The following MYO9A variants were observed in gnomAD, a reference collection of about 807,000 sequenced individuals.
The protein encoded by MYO9A is unconventional myosin-IXa.
MYO9A carries 103 observed loss-of-function variants against 293.3 expected under a neutral mutation model. That is an observed-to-expected ratio of 0.35 (90% CI 0.30 to 0.41). MYO9A has a LOEUF of 0.41. Among genes scored for constraint, MYO9A ranks in the 10% least tolerant of loss-of-function variants. MYO9A has a pLI of 1.00. For missense variants in MYO9A, 2,685 were observed against 3,033.0 expected, an observed-to-expected ratio of 0.89 and a Z score of 2.69; for synonymous variants, 1,001 against 1,035.7, an observed-to-expected ratio of 0.97 and a Z score of 0.64.
intron 1 of MYO9A, among the ~76,000 whole-genome samples, chr15:72,065,515 C>CAA (rs780113322): frequency 5.3e-5 from 3 of 56,582 alleles, no homozygotes; most frequent in Non-Finnish European, 1.1e-4. Context: ...AACTCCGTCT[C>CAA]AAAAAAAAAA....
chr15:71,853,822 C>T (rs1376058829), intron 35 of MYO9A, among the ~76,000 whole-genome samples: 1 of 152,060 alleles, frequency 6.6e-6, no homozygotes, highest in Non-Finnish European at 1.5e-5. Context: ...GAAGATGATA[C>T]ACAGGAAAGA....
At chr15:71,899,214 T>C (rs915847139) in intron 24 of MYO9A, among the ~76,000 whole-genome samples, 182 bp from the exon 25 acceptor site, 2 of 152,208 alleles carry the variant, frequency 1.3e-5, no homozygotes, top group African/African-American at 4.8e-5. Context: ...TCAGATGATA[T>C]TTCATTAAGT....
rs144553539 is a variant in MYO9A, at chr15:72,078,214, C to T, written c.-71-31580G>A. On this transcript the variant is annotated intron_variant, in intron 1 of 41. Transcript: ENST00000356056. ...GCTAAAAATTCACTTCACTACAGGG[C>T]TTGCCAGGGTGGCTCATGCCTGTAA... 8.9e-3 allele frequency among the ~76,000 whole-genome samples: 1,361 copies of T among 152,270 alleles called. 18 individuals are homozygous for T. Among genetic ancestry groups the T allele is most frequent in the Admixed American group, 0.011 (163 of 15,294 alleles).
chr15:71,970,038 C>T (rs564407359), intron 12 of MYO9A, among the ~76,000 whole-genome samples: 1 of 152,242 alleles, frequency 6.6e-6, no homozygotes, highest in East Asian at 1.9e-4. Context: ...TTCTCATGAG[C>T]AGGCAAGATT....
chr15:72,069,329 A>G (rs764325772), intron 1 of MYO9A, among the ~76,000 whole-genome samples: 2 of 152,182 alleles, frequency 1.3e-5, no homozygotes, highest in Non-Finnish European at 2.9e-5. Context: ...TGTATATGTA[A>G]TTGTTTAGTG....
intron 26 of MYO9A, chr15:71,891,474 A>C (rs1158634575): frequency 3.9e-5 from 6 of 152,244 alleles, no homozygotes; most frequent in African/African-American, 4.8e-5. Flanking sequence ...TGTATACTAG[A>C]CAAAGCAGGA....
chr15:71,992,509 T>C (rs2076570733), intron 10 of MYO9A, among the ~76,000 whole-genome samples: 1 of 152,176 alleles, frequency 6.6e-6, no homozygotes, highest in African/African-American at 2.4e-5. Context: ...GTCTAGGCCC[T>C]TAAAAAAATT....
intron 39 of MYO9A, among the ~76,000 whole-genome samples, chr15:71,840,456 T>TA (rs1271530864): frequency 6.6e-6 from 1 of 152,112 alleles, no homozygotes; most frequent in African/African-American, 2.4e-5. Flanking sequence ...GAGCCCATGG[T>TA]AGTCATATGA....
intron 2 of MYO9A, chr15:72,040,078 A>T (rs562889480): frequency 6.5e-6 from 1 of 154,092 alleles, no homozygotes; most frequent in East Asian, 1.9e-4. Context: ...TGGACACAGG[A>T]ATATGTCAGA....
intron 22 of MYO9A, 142 bp downstream of exon 22, chr15:71,902,799 A>G: frequency 1.6e-6 from 1 of 615,642 alleles, no homozygotes. Flanking sequence ...TGACTACATA[A>G]TTAAATAAAA....
chr15:71,942,003 A>T (rs572354149), intron 15 of MYO9A, among the ~76,000 whole-genome samples: 97 of 152,228 alleles, frequency 6.4e-4, no homozygotes, highest in Non-Finnish European at 1.0e-3. Flanking sequence ...ACTGTTGTTC[A>T]CAATAGCTCT....
intron 1 of MYO9A, among the ~76,000 whole-genome samples, chr15:72,106,243 TGA>T (rs1251529372): frequency 3.0e-5 from 4 of 134,688 alleles, no homozygotes; most frequent in Admixed American, 7.7e-5. Context: ...TCTGGGAGGC[TGA>T]GACAGGAGGA....
rs2141654251 is a variant in MYO9A at position 71,859,645 on chromosome 15, A to G, written c.6153+90T>C. 4.7e-6 allele frequency: 5 copies of G among 1,054,048 alleles called. No individual in the cohort carries two copies. The South Asian group carries it at 5.7e-5, about 12-fold the overall frequency. 65.3% of individuals were successfully genotyped at this position (1,054,048 alleles called of 1,614,324 possible). A position where few individuals can be genotyped will look rare whatever the true frequency, so the allele number is the denominator to read the frequency against. ...AAAAGTTTAAAAACCACTCATCTGT[A>G]AAACTATCAAAAAGGCCTTAATTTA... On this transcript the variant is annotated intron_variant, in intron 34 of 41. Coordinates refer to ENST00000356056, the MANE Select transcript of MYO9A (RefSeq NM_006901.4).
chr15:72,069,051 C>G (rs1450764087), intron 1 of MYO9A, among the ~76,000 whole-genome samples: 1 of 152,212 alleles, frequency 6.6e-6, no homozygotes, highest in African/African-American at 2.4e-5. Context: ...GCCCTAGAAT[C>G]TGGGAGCTAA....
intron 13 of MYO9A, among the ~76,000 whole-genome samples, chr15:71,964,909 C>T (rs1050210189): frequency 2.0e-5 from 3 of 151,690 alleles, no homozygotes; most frequent in Non-Finnish European, 4.4e-5. Context: ...ACGCCAAGAT[C>T]GCACCACTGC....
intron 14 of MYO9A, among the ~76,000 whole-genome samples, chr15:71,957,447 T>C (rs562553488): frequency 3.3e-5 from 5 of 152,294 alleles, no homozygotes; most frequent in African/African-American, 1.2e-4. Flanking sequence ...ATTGCCCTAC[T>C]ATACTGCCCA....
At chr15:71,991,971 T>A (rs2076554152) in intron 10 of MYO9A, among the ~76,000 whole-genome samples, 1 of 152,170 alleles carries the variant, frequency 6.6e-6, no homozygotes, top group South Asian at 2.1e-4. Context: ...GCCGGTCTGG[T>A]ATCAAACTCC....
At chr15:72,052,985 G>A (rs2078612521) in intron 1 of MYO9A, among the ~76,000 whole-genome samples, 3 of 152,172 alleles carry the variant, frequency 2.0e-5, no homozygotes, top group Admixed American at 2.0e-4. Flanking sequence ...ACCCCAAGAA[G>A]TATCACCCCA....
intron 39 of MYO9A, among the ~76,000 whole-genome samples, chr15:71,840,565 A>AAATT (rs2055114285): frequency 6.6e-6 from 1 of 152,196 alleles, no homozygotes; most frequent in South Asian, 2.1e-4. Flanking sequence ...CACCATTACA[A>AAATT]AATTTAGCCT....
Sources: allele counts gnomAD v4.1 joint callset (sites outside exome capture counted in the v4.1 genomes callset), GRCh38; gene constraint gnomAD v4.1.1; transcripts MANE v1.5; gene names NCBI Gene and HGNC (gene_info 2026-07-23, HGNC 2026-07-21).